The following TTC28 variants were observed in gnomAD, a reference collection of about 807,000 sequenced individuals.
TTC28 encodes tetratricopeptide repeat domain 28.
TTC28 carries 61 observed loss-of-function variants against 198.0 expected under a neutral mutation model. That is an observed-to-expected ratio of 0.31 (90% confidence interval 0.25 to 0.38). The LOEUF is 0.38. Among genes scored for constraint, TTC28 ranks in the 10% least tolerant of loss-of-function variants. TTC28 has a pLI of 1.00. For missense variants in TTC28, 2,678 were observed against 3,164.0 expected, an observed-to-expected ratio of 0.85 and a Z score of 3.69; for synonymous variants, 1,171 against 1,297.8, an observed-to-expected ratio of 0.90 and a Z score of 2.10.
At chr22:28,216,183 G>A (rs545889759) in intron 5 of TTC28, among the ~76,000 whole-genome samples, 1 of 152,290 alleles carries the variant, frequency 6.6e-6, no homozygotes, top group South Asian at 2.1e-4. Context: ...ATGAGAAATG[G>A]TCTCTGTCTT....
intron 5 of TTC28, among the ~76,000 whole-genome samples, chr22:28,295,548 G>A (rs2044876382): frequency 6.6e-6 from 1 of 152,156 alleles, no homozygotes; most frequent in African/African-American, 2.4e-5. Flanking sequence ...GAAGAGTTAA[G>A]TTATAACTAC....
intron 5 of TTC28, among the ~76,000 whole-genome samples, chr22:28,237,155 T>C (rs1569214674): frequency 6.6e-6 from 1 of 151,940 alleles, no homozygotes; most frequent in Non-Finnish European, 1.5e-5. Context: ...TGGTGCATTC[T>C]CTCTCTCTCT....
chr22:28,177,539 C>T (rs894180657), intron 5 of TTC28, among the ~76,000 whole-genome samples: 13 of 152,260 alleles, frequency 8.5e-5, no homozygotes, highest in South Asian at 6.2e-4. Flanking sequence ...CATGTCCACA[C>T]GAAAACCTGT....
intron 2 of TTC28, among the ~76,000 whole-genome samples, chr22:28,398,136 GC>G (rs528806672): frequency 1.3e-5 from 2 of 152,158 alleles, no homozygotes; most frequent in Non-Finnish European, 2.9e-5. Context: ...ACTGGTCCCC[GC>G]CCCATTCCAA....
intron 6 of TTC28, among the ~76,000 whole-genome samples, chr22:28,133,323 C>T (rs1943106414): frequency 6.6e-6 from 1 of 152,202 alleles, no homozygotes; most frequent in Non-Finnish European, 1.5e-5. Context: ...GTGATTTCTG[C>T]ATTTCCAACT....
At chr22:28,346,632 T>C (rs1399329694) in intron 2 of TTC28, among the ~76,000 whole-genome samples, 1 of 152,196 alleles carries the variant, frequency 6.6e-6, no homozygotes, top group Non-Finnish European at 1.5e-5. Context: ...ATAACTTTCT[T>C]GCATATCCAT....
chr22:28,077,438 G>T (rs1030072183), intron 12 of TTC28, among the ~76,000 whole-genome samples: 1 of 152,292 alleles, frequency 6.6e-6, no homozygotes, highest in East Asian at 1.9e-4. Flanking sequence ...TTACAGGTAT[G>T]AGCCACCTCA....
intron 2 of TTC28, among the ~76,000 whole-genome samples, chr22:28,324,287 G>A (rs914044255): frequency 1.3e-5 from 2 of 151,890 alleles, no homozygotes; most frequent in Non-Finnish European, 2.9e-5. Flanking sequence ...CCCTGTCTCT[G>A]CAAAAAATTC....
At chr22:28,302,631 A>G (rs1220351318) in intron 3 of TTC28, among the ~76,000 whole-genome samples, 5 of 152,184 alleles carry the variant, frequency 3.3e-5, no homozygotes, top group Non-Finnish European at 5.9e-5. Flanking sequence ...TTAGATTCCA[A>G]TCTTTTGGGG....
intron 2 of TTC28, among the ~76,000 whole-genome samples, chr22:28,617,359 A>T (rs1283082208): frequency 6.6e-6 from 1 of 151,388 alleles, no homozygotes; most frequent in African/African-American, 2.4e-5. Context: ...TAAGTTAGCC[A>T]GGTGTGGTCC....
chr22:28,140,505 C>T (rs149226224), intron 6 of TTC28, among the ~76,000 whole-genome samples: 121 of 152,342 alleles, frequency 7.9e-4, no homozygotes, highest in Middle Eastern at 3.4e-3. Context: ...TTTTCTGTCA[C>T]GTTCCACCTA....
chr22:28,390,333 G>C (rs950614769), intron 2 of TTC28, among the ~76,000 whole-genome samples: 1 of 152,242 alleles, frequency 6.6e-6, no homozygotes, highest in Admixed American at 6.5e-5. Flanking sequence ...ATTTGGGGTG[G>C]AGAGTTCTGT....
intron 13 of TTC28, chr22:28,028,809 A>C (rs1938950298): frequency 2.9e-6 from 1 of 347,178 alleles, no homozygotes; most frequent in African/African-American, 2.1e-5. Flanking sequence ...TAAGTCGGTC[A>C]GTGTGTTATT....
intron 5 of TTC28, among the ~76,000 whole-genome samples, chr22:28,191,320 C>G (rs1924722712): frequency 6.6e-6 from 1 of 152,158 alleles, no homozygotes; most frequent in Non-Finnish European, 1.5e-5. Context: ...TTACACAGTT[C>G]TTGCGAATAG....
intron 2 of TTC28, among the ~76,000 whole-genome samples, chr22:28,404,687 C>T (rs1257140355): frequency 1.3e-5 from 2 of 152,180 alleles, no homozygotes; most frequent in African/African-American, 4.8e-5. Context: ...TCTATGACAA[C>T]TTATTACTAG....
rs1052630646 is a variant in TTC28, at chr22:28,319,685, T to C, written c.382-13042A>G. 6.6e-5 allele frequency among the ~76,000 whole-genome samples: 10 copies of C among 152,216 alleles called. No homozygotes were observed. In the East Asian group the frequency reaches 1.3e-3, roughly 20 times the overall value. On this transcript the variant is annotated intron_variant, in intron 2 of 22. Transcript: ENST00000397906. ...AAAATTCTCTTCTCAAAACTTCAAATAACTTTGACATTTCATGAGATGTGT... is the reference window on the plus strand; with the variant it reads ...AAAATTCTCTTCTCAAAACTTCAAACAACTTTGACATTTCATGAGATGTGT...
At chr22:28,585,742 G>T (rs1299895627) in intron 2 of TTC28, among the ~76,000 whole-genome samples, 2 of 152,138 alleles carry the variant, frequency 1.3e-5, no homozygotes, top group African/African-American at 4.8e-5. Context: ...TCAAACTAGG[G>T]TCTTTTTCAT....
At chr22:28,461,370 T>C (rs2047947744) in intron 2 of TTC28, among the ~76,000 whole-genome samples, 1 of 152,150 alleles carries the variant, frequency 6.6e-6, no homozygotes, top group Non-Finnish European at 1.5e-5. Flanking sequence ...TCTTGTAGAC[T>C]ATCCTTAAAA....
intron 8 of TTC28, among the ~76,000 whole-genome samples, chr22:28,101,492 G>A (rs962474365): frequency 6.6e-6 from 1 of 152,108 alleles, no homozygotes; most frequent in African/African-American, 2.4e-5. Flanking sequence ...CGGAATACCT[G>A]GGACTACGGG....
Sources: allele counts gnomAD v4.1 joint callset (sites outside exome capture counted in the v4.1 genomes callset), GRCh38; gene constraint gnomAD v4.1.1; transcripts MANE v1.5; gene names NCBI Gene and HGNC (gene_info 2026-07-23, HGNC 2026-07-21).